SEM1: variants seen among roughly 807,000 people sequenced by gnomAD.
SEM1 encodes the protein 26S proteasome complex subunit SEM1.
In SEM1, 3 loss-of-function variants were observed where a neutral mutation model predicts 12.7. The observed-to-expected ratio is 0.24, with a 90% CI of 0.11 to 0.61. SEM1 has a LOEUF of 0.61. Ranked by LOEUF, SEM1 falls within the 20% of genes least tolerant of loss-of-function variation. The probability of loss-of-function intolerance (pLI) is 0.88; values close to 1 mark genes in which losing one functional copy is unlikely to be tolerated. For missense variants in SEM1, 59 were observed against 81.3 expected (o/e 0.73, Z 1.06); for synonymous variants, 30 against 27.8 (o/e 1.08, Z -0.25).
intron 2 of SEM1, among the ~76,000 whole-genome samples, chr7:96,522,722 AC>A (rs112781467): frequency 0.33 from 39,320 of 120,472 alleles, 5,630 homozygotes; most frequent in Middle Eastern, 0.43. Flanking sequence ...TACTAAAAAT[AC>A]CCCCCCCCCA....
downstream of SEM1, chr7:96,673,037 TTGTC>T (rs1789361553): frequency 5.9e-5 from 9 of 152,190 alleles, no homozygotes; most frequent in Non-Finnish European, 7.3e-5. Flanking sequence ...AATTAATTGT[TTGTC>T]TTTTAGGAGG....
At chr7:96,527,297 T>C (rs977345306) in intron 2 of SEM1, among the ~76,000 whole-genome samples, 5 of 152,106 alleles carry the variant, frequency 3.3e-5, no homozygotes, top group Admixed American at 1.3e-4. Flanking sequence ...CTGAGACTGA[T>C]GTAAAAGTTC....
intron 2 of SEM1, among the ~76,000 whole-genome samples, chr7:96,570,923 G>A (rs985038984): frequency 2.0e-5 from 3 of 149,550 alleles, no homozygotes; most frequent in Non-Finnish European, 4.4e-5. Context: ...ATCTTACTGT[G>A]GTTTTGATTT....
At chr7:96,531,653 T>C (rs1175065879) in intron 2 of SEM1, among the ~76,000 whole-genome samples, 1 of 150,732 alleles carries the variant, frequency 6.6e-6, no homozygotes, top group Non-Finnish European at 1.5e-5. Context: ...CATATGTCTA[T>C]CAATCTTTGA....
intron 2 of SEM1, among the ~76,000 whole-genome samples, chr7:96,512,347 C>A (rs189004154): frequency 2.0e-5 from 3 of 152,048 alleles, no homozygotes; most frequent in African/African-American, 4.8e-5. Context: ...ATGGTATGAT[C>A]CATCTGAGAT....
intron 2 of SEM1, among the ~76,000 whole-genome samples, chr7:96,580,460 T>C (rs1312140430): frequency 1.3e-5 from 2 of 151,412 alleles, no homozygotes; most frequent in Non-Finnish European, 2.9e-5. Context: ...AGCAGCATGA[T>C]TTATAGTCCT....
Position 96,693,760 on chromosome 7 carries a change from T to TTGTGTGTGTGTGTGTGTG in SEM1, c.170+1020_170+1037dup, listed in dbSNP as rs566641071. Among the ~76,000 whole-genome samples, 344 of 139,554 alleles carry TTGTGTGTGTGTGTGTGTG rather than the reference T, an allele frequency of 2.5e-3. 2 individuals are homozygous for TTGTGTGTGTGTGTGTGTG. The highest frequency in any genetic ancestry group is 5.4e-3 in the African/African-American group (203 of 37,402). The allele number at this position is 139,554 out of a possible 152,430, so 91.6% of individuals were successfully genotyped here. ...TTAACGTATGACCCAACAATTCCAC[T>TTGTGTGTGTGTGTGTGTG]TGTGTGTGTGTGTGTGTGTGTGTGT... On this transcript the variant is annotated intron_variant, in intron 2 of 2. Transcript: ENST00000248566.
At chr7:96,514,677 G>T (rs1252370385) in intron 2 of SEM1, among the ~76,000 whole-genome samples, 2 of 149,290 alleles carry the variant, frequency 1.3e-5, no homozygotes, top group Non-Finnish European at 3.0e-5. Flanking sequence ...CTCCAAAAAT[G>T]AAGCAGTTAG....
rs1453807051 is a variant in SEM1 at position 96,640,335 on chromosome 7, C to T, written c.171-17692G>A. 2.6e-5 allele frequency among the ~76,000 whole-genome samples: 4 copies of T among 151,808 alleles called. No homozygotes were observed. Among genetic ancestry groups the T allele is most frequent in the Non-Finnish European group, 5.9e-5 (4 of 67,886 alleles). On this transcript the variant is annotated intron_variant, in intron 2 of 2. Transcript: ENST00000417009. The surrounding 1 kb of genome is among the most constrained non-coding windows in gnomAD (Gnocchi z 4.0). ...TTTGGAAACAGCTAAGACATCCTTC[C>T]GTAGATGAATGAAAAATAAACTGTG... is the stretch of plus-strand genomic sequence containing the variant.
At chr7:96,662,046 C>A (rs1225880677) in intron 2 of SEM1, among the ~76,000 whole-genome samples, 1 of 150,454 alleles carries the variant, frequency 6.6e-6, no homozygotes, top group African/African-American at 2.4e-5. Context: ...GGCTGTGGAG[C>A]AATCACAATG....
chr7:96,664,445 A>C (rs1789111583), intron 2 of SEM1: 1 of 152,140 alleles, frequency 6.6e-6, no homozygotes, highest in Admixed American at 6.5e-5. Flanking sequence ...CTCCATCTTC[A>C]AAGACAGCAA....
chr7:96,700,905 GTCTT>G (rs1170777161), intron 1 of SEM1, among the ~76,000 whole-genome samples: 2 of 151,960 alleles, frequency 1.3e-5, no homozygotes, highest in East Asian at 1.9e-4. Context: ...TATTTTATGT[GTCTT>G]TCTATGAATA....
At chr7:96,706,118 C>T (rs1025997871) in intron 1 of SEM1, 9 of 152,046 alleles carry the variant, frequency 5.9e-5, no homozygotes, top group African/African-American at 2.2e-4. Flanking sequence ...GCTTAATGAC[C>T]AGAAGATTAC....
chr7:96,495,830 G>A (rs1267017382), intron 1 of SEM1, among the ~76,000 whole-genome samples: 2 of 152,138 alleles, frequency 1.3e-5, no homozygotes, highest in Non-Finnish European at 2.9e-5. Context: ...TGAAGGTCTT[G>A]TTTGAGAGGC....
intron 2 of SEM1, among the ~76,000 whole-genome samples, chr7:96,558,838 T>G (rs747521401): frequency 7.9e-5 from 12 of 152,230 alleles, no homozygotes; most frequent in Admixed American, 2.0e-4. Flanking sequence ...AATTATTGCA[T>G]TTATTAAAGA....
chr7:96,579,984 T>C (rs1223831447), intron 2 of SEM1, among the ~76,000 whole-genome samples: 1 of 151,822 alleles, frequency 6.6e-6, no homozygotes, highest in Non-Finnish European at 1.5e-5. Context: ...TTATTATTAT[T>C]ATACTTTAAG....
chr7:96,688,631 C>T (rs568160861), downstream of SEM1: 1 of 202,720 alleles, frequency 4.9e-6, no homozygotes, highest in African/African-American at 2.3e-5. Context: ...CTGAGCCTCA[C>T]TCAGTTAACA....
rs1248325142 is a variant in SEM1, at chr7:96,673,600, G to C, written c.*160C>G. On this transcript the variant is annotated 3_prime_UTR_variant, in exon 3 of 3. Transcript: ENST00000413065. ...CCCAGGCTGGACCTTCACCCAGGCTGCTCTCTTTGCCTGAAATGCTGTAGC... is the reference window on the plus strand; with the variant it reads ...CCCAGGCTGGACCTTCACCCAGGCTCCTCTCTTTGCCTGAAATGCTGTAGC... 3.1e-5 allele frequency: 19 copies of C among 621,706 alleles called. No homozygotes were observed. In the South Asian group the frequency reaches 3.5e-4, roughly 11 times the overall value. 38.5% of individuals were successfully genotyped at this position (621,706 alleles called of 1,614,324 possible).
chr7:96,486,702 T>C (rs1269587872), intron 1 of SEM1, among the ~76,000 whole-genome samples: 1 of 152,196 alleles, frequency 6.6e-6, no homozygotes, highest in Non-Finnish European at 1.5e-5. Flanking sequence ...CAAGGGGACT[T>C]GGTAACCTTG....
Sources: allele counts gnomAD v4.1 joint callset (sites outside exome capture counted in the v4.1 genomes callset), GRCh38; gene constraint gnomAD v4.1.1; non-coding constraint Gnocchi (gnomAD v3.1); transcripts MANE v1.5; gene names NCBI Gene and HGNC (gene_info 2026-07-23, HGNC 2026-07-21).